ZNF140: variants seen among roughly 807,000 people sequenced by gnomAD.
ZNF140 encodes the protein zinc finger protein 140, also known as zinc finger protein 140 (clone pHZ-39).
Under a neutral mutation model 12.9 loss-of-function variants are expected in ZNF140, and 13 were observed. The ratio of observed to expected loss-of-function variants is 1.01; its 90% CI spans 0.66 to 1.60. The LOEUF is 1.60. Ranked by LOEUF, ZNF140 falls within the 40% of genes most tolerant of loss-of-function variation. The pLI, the probability that ZNF140 is intolerant of heterozygous loss-of-function variation, is 0.00. For synonymous variants in ZNF140, 214 were observed against 186.7 expected, an observed-to-expected ratio of 1.15 and a Z score of -1.19; for missense variants, 531 against 548.8, an observed-to-expected ratio of 0.97 and a Z score of 0.32.
Position 133,106,794 on chromosome 12 carries a change from C to A in ZNF140, c.*143C>A. 1 of 684,992 alleles carries A rather than the reference C, an allele frequency of 1.5e-6. No homozygotes were observed. Among genetic ancestry groups the A allele is most frequent in the Non-Finnish European group, 2.2e-6 (1 of 461,256 alleles). 42.4% of individuals were successfully genotyped at this position (684,992 alleles called of 1,614,324 possible). On this transcript the variant is annotated 3_prime_UTR_variant, in exon 5 of 5. Coordinates refer to ENST00000355557, the MANE Select transcript of ZNF140 (RefSeq NM_003440.4). ...TATGGCCCACACTTTATTCACCACC[C>A]TGGAGAAAAAAAAACCCAGGAATAT...
At chr12:133,090,595 CTG>C (rs1380202411) in intron 4 of ZNF140, among the ~76,000 whole-genome samples, 4 of 151,798 alleles carry the variant, frequency 2.6e-5, no homozygotes, top group Non-Finnish European at 5.9e-5. Flanking sequence ...GGACAAGAGA[CTG>C]AGAAAAGAAA....
Position 133,092,516 on chromosome 12 carries a change from C to A in ZNF140, c.232+8955C>A, listed in dbSNP as rs376726404. ...AATAGTGTAATATGGCTTGTGATTTCTTGTTTCCATAACTTGATTTCCATA... is the reference window on the plus strand; with the variant it reads ...AATAGTGTAATATGGCTTGTGATTTATTGTTTCCATAACTTGATTTCCATA... On this transcript the variant is annotated intron_variant, in intron 4 of 4. Transcript: ENST00000355557. Among the ~76,000 whole-genome samples the A allele has an allele frequency of 3.9e-3, 588 of 151,278 alleles. 32 individuals are homozygous for A. The highest frequency in any genetic ancestry group is 0.013 in the African/African-American group (542 of 40,974).
chr12:133,092,810 G>C (rs1157671400), intron 4 of ZNF140, among the ~76,000 whole-genome samples: 1 of 151,160 alleles, frequency 6.6e-6, no homozygotes, highest in Non-Finnish European at 1.5e-5. Flanking sequence ...GCCTCGAGGG[G>C]CCCAGTCTAT....
intron 4 of ZNF140, among the ~76,000 whole-genome samples, chr12:133,089,823 A>G (rs1445589592): frequency 2.7e-5 from 4 of 149,490 alleles, no homozygotes; most frequent in African/African-American, 9.8e-5. Flanking sequence ...CTCTATTAAT[A>G]GCCTATTGTA....
chr12:133,081,222 G>A, intron 1 of ZNF140, 51 bp from the exon 2 acceptor site: 1 of 928,312 alleles, frequency 1.1e-6, no homozygotes, highest in Non-Finnish European at 1.7e-6. Flanking sequence ...TAGTGACTTG[G>A]GCGCGGCCTA....
At chr12:133,091,898 A>G (rs1954903216) in intron 4 of ZNF140, among the ~76,000 whole-genome samples, 1 of 151,032 alleles carries the variant, frequency 6.6e-6, no homozygotes, top group African/African-American at 2.5e-5. Context: ...TGATGTTCAG[A>G]TTCATTATAG....
Position 133,106,378 on chromosome 12 carries a change from T to G in ZNF140, c.1101T>G (p.Thr367=). The G allele has an allele frequency of 1.2e-6, 2 of 1,614,180 alleles. No individual in the cohort carries two copies. Among genetic ancestry groups the G allele is most frequent in the Non-Finnish European group, 1.7e-6 (2 of 1,180,028 alleles). Residue 367 remains threonine (T), a synonymous_variant, in exon 5 of 5, where the codon ACT becomes ACG. Coordinates refer to ENST00000355557, the MANE Select transcript of ZNF140 (RefSeq NM_003440.4). ...YECDECGKVF[T]WHASLIQHTK... is the part of the protein sequence containing the mutation. ...GTGATGAATGTGGTAAAGTTTTCACTTGGCATGCATCCCTTATTCAACATA... is the reference window on the plus strand; with the variant it reads ...GTGATGAATGTGGTAAAGTTTTCACGTGGCATGCATCCCTTATTCAACATA...
At chr12:133,103,569 G>A (rs1017411321) in intron 4 of ZNF140, among the ~76,000 whole-genome samples, 2 of 151,616 alleles carry the variant, frequency 1.3e-5, no homozygotes, top group Admixed American at 6.6e-5. Flanking sequence ...CACCACACCC[G>A]GCCCCAACAG....
chr12:133,083,159 G>A lies in ZNF140; in HGVS notation c.66G>A (p.Trp22Ter). 6.2e-7 allele frequency: 1 copy of A among 1,614,212 alleles called. No homozygotes were observed. Among genetic ancestry groups the A allele is most frequent in the South Asian group, 1.1e-5 (1 of 91,082 alleles). Reference sequence around the variant, plus strand: ...ACTTCTCCCAGGAGGAGTGGAAATGGCTTCAGCCTGCTCAAAGAGATTTGT... The same window carrying A: ...ACTTCTCCCAGGAGGAGTGGAAATGACTTCAGCCTGCTCAAAGAGATTTGT... ...AIDFSQEEWK[W>*]LQPAQRDLYR... Residue 22 changes from tryptophan to a stop codon, truncating the protein, a stop_gained, in exon 3 of 5, where the codon TGG becomes TGA. Transcript: ENST00000355557. LOFTEE classifies it high-confidence loss of function.
chr12:133,104,182 A>G (rs1366492568), intron 4 of ZNF140, among the ~76,000 whole-genome samples: 1 of 152,230 alleles, frequency 6.6e-6, no homozygotes, highest in African/African-American at 2.4e-5. Flanking sequence ...TGTAAAAGTT[A>G]TAAGAATAGT....
chr12:133,095,561 G>C (rs1456240130), intron 4 of ZNF140, among the ~76,000 whole-genome samples: 1 of 151,694 alleles, frequency 6.6e-6, no homozygotes, highest in Non-Finnish European at 1.5e-5. Context: ...CAGAGACAAA[G>C]TATAGAGAAA....
chr12:133,090,561 C>T (rs1259549826), intron 4 of ZNF140, among the ~76,000 whole-genome samples: 34 of 152,190 alleles, frequency 2.2e-4, no homozygotes, highest in Non-Finnish European at 1.5e-5. Flanking sequence ...CCCCTCCACA[C>T]CTGTGGGTAT....
At chr12:133,092,907 C>G (rs1389963178) in intron 4 of ZNF140, among the ~76,000 whole-genome samples, 1 of 151,188 alleles carries the variant, frequency 6.6e-6, no homozygotes, top group African/African-American at 2.5e-5. Flanking sequence ...TCTTTTGATT[C>G]TTTTGGAATT....
upstream of ZNF140, chr12:133,080,730 C>A (rs1298736852): frequency 2.0e-5 from 3 of 152,400 alleles, no homozygotes; most frequent in South Asian, 6.1e-4. Context: ...TGTCTCCTGG[C>A]GTTCTGGGCA....
intron 4 of ZNF140, chr12:133,084,274 A>G (rs1321664797): frequency 1.1e-5 from 4 of 362,532 alleles, no homozygotes; most frequent in African/African-American, 2.2e-5. Context: ...TTGCTGTTCT[A>G]TTTAATCACC....
chr12:133,087,388 A>G (rs2137499181), intron 4 of ZNF140, among the ~76,000 whole-genome samples: 1 of 152,276 alleles, frequency 6.6e-6, no homozygotes, highest in South Asian at 2.1e-4. Context: ...ATACGAATAT[A>G]TAAATCCAGT....
chr12:133,095,980 G>C (rs1379920589), intron 4 of ZNF140, among the ~76,000 whole-genome samples: 1 of 151,138 alleles, frequency 6.6e-6, no homozygotes, highest in Non-Finnish European at 1.5e-5. Context: ...AGGAGACAGT[G>C]GCCTTCCTCT....
intron 4 of ZNF140, chr12:133,100,838 T>C (rs1955321070): frequency 3.9e-6 from 1 of 259,618 alleles, no homozygotes; most frequent in African/African-American, 2.2e-5. Flanking sequence ...GTGGGTAGCA[T>C]TCGCAGCATA....
At chr12:133,083,429 T>C (rs1954568319) in intron 3 of ZNF140, 37 bp from the exon 4 acceptor site, 24 of 1,593,332 alleles carry the variant, frequency 1.5e-5, no homozygotes, top group Non-Finnish European at 2.0e-5. Context: ...TAGGATTCAA[T>C]GACTGATCTT....
Sources: allele counts gnomAD v4.1 joint callset (sites outside exome capture counted in the v4.1 genomes callset), GRCh38; gene constraint gnomAD v4.1.1; transcripts MANE v1.5; gene names NCBI Gene and HGNC (gene_info 2026-07-23, HGNC 2026-07-21).